FUT8: variants seen among roughly 807,000 people sequenced by gnomAD.
FUT8 encodes alpha-(1,6)-fucosyltransferase.
Under a neutral mutation model 71.3 loss-of-function variants are expected in FUT8, and 29 were observed. That is an observed-to-expected ratio of 0.41 (90% CI 0.30 to 0.55). The LOEUF (loss-of-function observed/expected upper bound fraction) is 0.55. Ranked by LOEUF, FUT8 falls within the 20% of genes least tolerant of loss-of-function variation. The pLI is 0.34. For synonymous variants in FUT8, 254 were observed against 239.3 expected (o/e 1.06, Z -0.57); for missense variants, 544 against 702.1 (o/e 0.77, Z 2.55).
chr14:65,370,544 A>C, the FUT8 span, among the ~76,000 whole-genome samples: 1 of 150,632 alleles, frequency 6.6e-6, no homozygotes, highest in Non-Finnish European at 1.5e-5. Context: ...GGCCCATTTA[A>C]TCATCACAAC....
chr14:65,481,046 A>C (rs750907631), intron 2 of FUT8, among the ~76,000 whole-genome samples: 2 of 152,104 alleles, frequency 1.3e-5, no homozygotes, highest in Non-Finnish European at 2.9e-5. Flanking sequence ...CACAGTGGCT[A>C]CACCATTTTA....
intron 3 of FUT8, among the ~76,000 whole-genome samples, chr14:65,571,617 T>C (rs530485092): frequency 2.0e-5 from 3 of 152,302 alleles, no homozygotes; most frequent in African/African-American, 7.2e-5. Flanking sequence ...TTTTACATAC[T>C]ATTGCCATTA....
At chr14:65,532,482 A>AT (rs1297548293) in intron 2 of FUT8, among the ~76,000 whole-genome samples, 11 of 151,468 alleles carry the variant, frequency 7.3e-5, no homozygotes, top group Non-Finnish European at 1.6e-4. Flanking sequence ...TAATGTGTTT[A>AT]TTTTTTTCTT....
intron 2 of FUT8, chr14:65,458,189 A>T (rs996968187): frequency 6.6e-6 from 1 of 150,392 alleles, no homozygotes; most frequent in African/African-American, 2.4e-5. Flanking sequence ...CTCAAAAAAA[A>T]AAAAAACAAA....
intron 7 of FUT8, among the ~76,000 whole-genome samples, chr14:65,693,368 G>C (rs1029314518): frequency 1.2e-4 from 18 of 152,252 alleles, no homozygotes; most frequent in Non-Finnish European, 2.1e-4. Context: ...CCAGTCAGGC[G>C]TGGCGGCGCG....
intron 7 of FUT8, among the ~76,000 whole-genome samples, chr14:65,692,215 C>T (rs1446969293): frequency 6.6e-6 from 1 of 151,318 alleles, no homozygotes; most frequent in Non-Finnish European, 1.5e-5. Context: ...GACGGGGCGG[C>T]TGGCCAGGCG....
At chr14:65,364,946 AC>A in the FUT8 span, among the ~76,000 whole-genome samples, 4 of 152,154 alleles carry the variant, frequency 2.6e-5, no homozygotes, top group Admixed American at 2.0e-4. Context: ...TGCCGTCCAC[AC>A]ACACCCCTCA....
chr14:65,688,450 A>G (rs148882546), intron 7 of FUT8, among the ~76,000 whole-genome samples: 60 of 137,322 alleles, frequency 4.4e-4, no homozygotes, highest in African/African-American at 1.6e-3. Flanking sequence ...ACTGTATTAT[A>G]TGGATGCATC....
At chr14:65,497,040 C>G (rs1311881139) in intron 2 of FUT8, among the ~76,000 whole-genome samples, 1 of 152,084 alleles carries the variant, frequency 6.6e-6, no homozygotes, top group Non-Finnish European at 1.5e-5. Context: ...AAATGCTGCT[C>G]TTTTTATTGA....
At chr14:65,697,527 C>T (rs1387098662) in intron 7 of FUT8, among the ~76,000 whole-genome samples, 1 of 152,222 alleles carries the variant, frequency 6.6e-6, no homozygotes, top group East Asian at 1.9e-4. Context: ...TTAGGCCATG[C>T]GTTGTTAAGG....
intron 1 of FUT8, among the ~76,000 whole-genome samples, chr14:65,419,701 T>C (rs1232238770): frequency 6.6e-6 from 1 of 152,226 alleles, no homozygotes; most frequent in Non-Finnish European, 1.5e-5. Context: ...GCTTTCTTTT[T>C]CTAAGTTTTA....
At position 65,439,972 on chromosome 14, in the gene FUT8, A is replaced by ACG. The variant is rs1566748231; in HGVS notation, c.-325-15649_-325-15648insCG. Among the ~76,000 whole-genome samples, 184 of 135,528 alleles carry ACG rather than the reference A, an allele frequency of 1.4e-3. 8 individuals carry two copies. Among genetic ancestry groups the ACG allele is most frequent in the Non-Finnish European group, 2.3e-3 (143 of 62,632 alleles). 88.9% of individuals were successfully genotyped at this position (135,528 alleles called of 152,430 possible). A position where few individuals can be genotyped will look rare whatever the true frequency, so the allele number is the denominator to read the frequency against. ...TGTGTGTGTATATATATATATATAT[A>ACG]TATATATATATATATATATGTACAC... On this transcript the variant is annotated intron_variant, in intron 1 of 10. Coordinates refer to ENST00000673929, the MANE Select transcript of FUT8 (RefSeq NM_001371533.1).
chr14:65,490,927 T>C (rs2066473909), intron 2 of FUT8, among the ~76,000 whole-genome samples: 1 of 152,130 alleles, frequency 6.6e-6, no homozygotes, highest in South Asian at 2.1e-4. Context: ...TTTTACAGTG[T>C]TACCTACTCA....
At chr14:65,431,677 A>G (rs1057063362) in intron 1 of FUT8, among the ~76,000 whole-genome samples, 6 of 141,562 alleles carry the variant, frequency 4.2e-5, no homozygotes, top group Admixed American at 3.6e-4. Context: ...TTTTTTTTTT[A>G]ATGTAAGATC....
intron 3 of FUT8, among the ~76,000 whole-genome samples, chr14:65,581,050 T>A (rs1294088453): frequency 6.6e-6 from 1 of 152,156 alleles, no homozygotes; most frequent in Non-Finnish European, 1.5e-5. Context: ...TACAATAAAC[T>A]TGCTGGTTTT....
chr14:65,611,223 GCACACACACACA>G (rs1222817416), intron 3 of FUT8, among the ~76,000 whole-genome samples: 2 of 3,214 alleles, frequency 6.2e-4, no homozygotes, highest in African/African-American at 1.0e-3. Context: ...GCGCGCGCGC[GCACACACACACA>G]CACACACACA....
rs758975324 is a variant in FUT8, at chr14:65,489,087, T to A, written c.-228+33369T>A. Among the ~76,000 whole-genome samples the A allele has an allele frequency of 6.6e-6, 1 of 152,206 alleles. No individual in the cohort carries two copies. The highest frequency in any genetic ancestry group is 6.5e-5 in the Admixed American group (1 of 15,276). ...TAGTATTGTCATGTAGTATTAAGTA[T>A]TTTTCCATCAATGATTAGAAAGTTA... On this transcript the variant is annotated intron_variant, in intron 2 of 10. Transcript: ENST00000673929. The surrounding 1 kb of genome is among the most constrained non-coding windows in gnomAD (Gnocchi z 4.0).
intron 7 of FUT8, among the ~76,000 whole-genome samples, chr14:65,712,909 A>G (rs893312640): frequency 6.6e-6 from 1 of 152,224 alleles, no homozygotes; most frequent in Non-Finnish European, 1.5e-5. Flanking sequence ...TATGTTACAA[A>G]CAATCCAATT....
chr14:65,585,197 T>C (rs1325385013), intron 3 of FUT8, among the ~76,000 whole-genome samples: 1 of 152,072 alleles, frequency 6.6e-6, no homozygotes, highest in Middle Eastern at 3.2e-3. Context: ...AATTTTTAAA[T>C]TAAGTTTTCT....
Sources: gnomAD v4.1 joint callset for allele counts (sites outside exome capture counted in the v4.1 genomes callset) on GRCh38, gnomAD v4.1.1 for gene constraint, Gnocchi (gnomAD v3.1) non-coding constraint, MANE v1.5 for transcripts, NCBI Gene and HGNC (gene_info 2026-07-23, HGNC 2026-07-21) for gene names.